PGM2L1: variants seen among roughly 807,000 people sequenced by gnomAD.
The protein encoded by PGM2L1 is glucose 1,6-bisphosphate synthase.
PGM2L1 carries 35 observed loss-of-function variants against 73.4 expected under a neutral mutation model. That is an observed-to-expected ratio of 0.48 (90% CI 0.36 to 0.63). PGM2L1 has a LOEUF of 0.63. Ranked by LOEUF, PGM2L1 falls within the 30% of genes least tolerant of loss-of-function variation. The pLI, the probability that PGM2L1 is intolerant of heterozygous loss-of-function variation, is 0.00. For missense variants in PGM2L1, 570 were observed against 742.0 expected, an observed-to-expected ratio of 0.77 and a Z score of 2.69; for synonymous variants, 225 against 253.8, an observed-to-expected ratio of 0.89 and a Z score of 1.08.
chr11:74,365,003 G>C (rs1189230555), intron 5 of PGM2L1, among the ~76,000 whole-genome samples: 1 of 150,756 alleles, frequency 6.6e-6, no homozygotes, highest in Non-Finnish European at 1.5e-5. Context: ...CATGGTACTG[G>C]TACCAAAACA....
At chr11:74,394,592 C>T (rs1357008639) in intron 1 of PGM2L1, among the ~76,000 whole-genome samples, 1 of 152,178 alleles carries the variant, frequency 6.6e-6, no homozygotes, top group East Asian at 1.9e-4. Flanking sequence ...CCTTCTATGA[C>T]CTGGTCTTTA....
At chr11:74,381,105 A>T (rs775328412) in intron 1 of PGM2L1, among the ~76,000 whole-genome samples, 13 of 152,160 alleles carry the variant, frequency 8.5e-5, no homozygotes, top group Admixed American at 3.3e-4. Context: ...GTGAGGCACT[A>T]AGTATACTAA....
chr11:74,370,758 C>T (rs1862738761), intron 4 of PGM2L1, 144 bp downstream of exon 4: 2 of 493,670 alleles, frequency 4.1e-6, no homozygotes, highest in Non-Finnish European at 6.9e-6. Flanking sequence ...AAAATAAACT[C>T]AAAGCAAAAT....
Position 74,336,712 on chromosome 11 carries a change from A to G in PGM2L1, c.1809T>C (p.Asp603=). ...GCTGAAGAAAATTCTCTATCAGAGC[A>G]TCAATGAGTTTCTTCAGTTCTTCCT... ...LLEEELKKLI[D]ALIENFLQPS... The change falls in exon 14 of 14, where the codon GAT becomes GAC. Residue 603 remains aspartate (D), a synonymous_variant. Coordinates refer to ENST00000298198, the MANE Select transcript of PGM2L1 (RefSeq NM_173582.6). The G allele has an allele frequency of 6.2e-7, 1 of 1,613,222 alleles. No individual in the cohort carries two copies. The highest frequency in any genetic ancestry group is 8.5e-7 in the Non-Finnish European group (1 of 1,179,382).
At chr11:74,384,375 T>C (rs755408224) in intron 1 of PGM2L1, among the ~76,000 whole-genome samples, 2 of 152,088 alleles carry the variant, frequency 1.3e-5, no homozygotes, top group Non-Finnish European at 2.9e-5. Flanking sequence ...TTACTTCTGC[T>C]CTCTGCTCAA....
intron 10 of PGM2L1, 88 bp from the exon 11 acceptor site, chr11:74,343,102 T>C: frequency 6.8e-7 from 1 of 1,462,938 alleles, no homozygotes; most frequent in Non-Finnish European, 9.2e-7. Flanking sequence ...GACCAGGAAA[T>C]TTAAAAGCCT....
rs1421141733 is a variant in PGM2L1, at chr11:74,374,393, CTTAATACT to C, written c.279+14_279+21del. ...CACCATGTCCAGTCAAAAGTACACTCTTAATACTTTATAATACTTACCTGTGTTGACTG... is the reference window on the plus strand; with the variant it reads ...CACCATGTCCAGTCAAAAGTACACTCTTATAATACTTACCTGTGTTGACTG... On this transcript the variant is annotated intron_variant, in intron 2 of 13. Transcript: ENST00000298198. 2 of 1,585,288 alleles carry C rather than the reference CTTAATACT, an allele frequency of 1.3e-6. No individual in the cohort carries two copies. The highest frequency in any genetic ancestry group is 3.5e-5 in the Admixed American group (2 of 57,914).
At position 74,358,919 on chromosome 11, in the gene PGM2L1, A is replaced by G. The variant is rs530543347; in HGVS notation, c.556-7343T>C. Reference sequence around the variant, plus strand: ...ACAAAAACAAAAACAAAAAAACCCAAAAGTTCCACCTCTAAAAATCTATCC... The same window carrying G: ...ACAAAAACAAAAACAAAAAAACCCAGAAGTTCCACCTCTAAAAATCTATCC... On this transcript the variant is annotated intron_variant, in intron 5 of 13. Transcript: ENST00000298198. 2.0e-5 allele frequency among the ~76,000 whole-genome samples: 3 copies of G among 152,196 alleles called. No individual in the cohort carries two copies. In the South Asian group the frequency reaches 6.2e-4, roughly 32 times the overall value.
Position 74,342,988 on chromosome 11 carries a change from C to T in PGM2L1, c.1339G>A (p.Asp447Asn). ...ACAGCTGCACTCACCCCATCTTTAT[C>T]CAAAACTGAAGTTCCACAGAGAAAA... is the stretch of plus-strand genomic sequence containing the variant. ...IGFLCGTSVL[D>N]KDGVSAAVVV... Residue 447 changes from aspartate to asparagine, a missense_variant, in exon 11 of 14, where the codon GAT becomes AAT. Physicochemically the swap from Asp to Asn is conservative, Grantham distance 23. Transcript: ENST00000298198. The T allele has an allele frequency of 6.2e-7, 1 of 1,606,268 alleles. No homozygotes were observed. Among genetic ancestry groups the T allele is most frequent in the Non-Finnish European group, 8.5e-7 (1 of 1,177,682 alleles).
At chr11:74,392,955 G>T (rs1289288600) in intron 1 of PGM2L1, among the ~76,000 whole-genome samples, 1 of 152,190 alleles carries the variant, frequency 6.6e-6, no homozygotes, top group African/African-American at 2.4e-5. Flanking sequence ...GTAAAAGTCA[G>T]ATGACCTAGG....
intron 5 of PGM2L1, among the ~76,000 whole-genome samples, chr11:74,353,818 C>T (rs1292131): frequency 0.44 from 48,348 of 109,150 alleles, 12,338 homozygotes; most frequent in East Asian, 0.75. Flanking sequence ...ACCGCCATCG[C>T]CATCATGGCC....
chr11:74,345,699 C>T, intron 8 of PGM2L1, 50 bp from the exon 9 acceptor site: 1 of 1,519,514 alleles, frequency 6.6e-7, no homozygotes, highest in Non-Finnish European at 9.0e-7. Flanking sequence ...CTCATTAAAA[C>T]TTCTTGACTC....
At chr11:74,382,064 A>AT (rs978156291) in intron 1 of PGM2L1, among the ~76,000 whole-genome samples, 12 of 152,148 alleles carry the variant, frequency 7.9e-5, no homozygotes, top group African/African-American at 2.9e-4. Context: ...ACAAGATACC[A>AT]TTTTTTCACC....
intron 5 of PGM2L1, among the ~76,000 whole-genome samples, chr11:74,359,912 G>A (rs992709963): frequency 1.3e-5 from 2 of 152,174 alleles, no homozygotes; most frequent in African/African-American, 4.8e-5. Context: ...GGTCCACTAT[G>A]TGCCAAATAT....
At chr11:74,395,620 T>C in intron 1 of PGM2L1, among the ~76,000 whole-genome samples, 1 of 144,864 alleles carries the variant, frequency 6.9e-6, no homozygotes, top group Non-Finnish European at 1.5e-5. Flanking sequence ...TTGGCCAGGC[T>C]GGTCTCGAAC....
At chr11:74,395,533 G>A (rs1011396261) in intron 1 of PGM2L1, among the ~76,000 whole-genome samples, 9 of 143,756 alleles carry the variant, frequency 6.3e-5, no homozygotes, top group South Asian at 2.3e-4. Context: ...CTACAGGCAC[G>A]TGACACCTCG....
intron 1 of PGM2L1, among the ~76,000 whole-genome samples, chr11:74,381,771 A>G (rs1190259565): frequency 6.6e-6 from 1 of 151,604 alleles, no homozygotes; most frequent in Non-Finnish European, 1.5e-5. Context: ...CTGAAAAGTG[A>G]AAGATCAGTA....
chr11:74,386,232 A>T (rs1433672236), intron 1 of PGM2L1, among the ~76,000 whole-genome samples: 3 of 152,166 alleles, frequency 2.0e-5, no homozygotes, highest in African/African-American at 7.2e-5. Flanking sequence ...TGAATAGTTC[A>T]TAGAAAAGGA....
At position 74,370,917 on chromosome 11, in the gene PGM2L1, A is replaced by C; in HGVS notation, c.456T>G (p.Val152=). 5 of 1,611,852 alleles carry C rather than the reference A, an allele frequency of 3.1e-6. No individual in the cohort carries two copies. The highest frequency in any genetic ancestry group is 4.2e-6 in the Non-Finnish European group (5 of 1,178,136). Residue 152 remains valine (V), a synonymous_variant, in exon 4 of 14, where the codon GTT becomes GTG. Coordinates refer to ENST00000298198, the MANE Select transcript of PGM2L1 (RefSeq NM_173582.6). ...ACACACTTACTACAAAAGGTGTAGG[A>C]ACATATCTTGAAAAAAGGTACACAG... ...DVPVYLFSRY[V]PTPFVPYAVQ...
Sources: gnomAD v4.1 joint callset for allele counts (sites outside exome capture counted in the v4.1 genomes callset) on GRCh38, gnomAD v4.1.1 for gene constraint, MANE v1.5 for transcripts, NCBI Gene and HGNC (gene_info 2026-07-23, HGNC 2026-07-21) for gene names.